AGBL2: variants seen among roughly 807,000 people sequenced by gnomAD.
AGBL2 encodes cytosolic carboxypeptidase 2.
A neutral mutation model predicts 103.0 loss-of-function variants in AGBL2; 87 were observed. The observed-to-expected ratio is 0.84, with a 90% CI of 0.71 to 1.01. The LOEUF (loss-of-function observed/expected upper bound fraction) is 1.01. Ranked by LOEUF, AGBL2 falls within the 50% of genes least tolerant of loss-of-function variation. AGBL2 has a pLI of 0.00. For missense variants in AGBL2, 904 were observed against 1,023.5 expected (o/e 0.88, Z 1.59); for synonymous variants, 335 against 356.7 (o/e 0.94, Z 0.69).
intron 8 of AGBL2, among the ~76,000 whole-genome samples, chr11:47,698,935 A>T (rs1439969364): frequency 6.6e-6 from 1 of 150,744 alleles, no homozygotes; most frequent in African/African-American, 2.4e-5. Flanking sequence ...GGTACCCTTA[A>T]AAAGAATGTG....
chr11:47,687,576 T>TC (rs1371719032), intron 10 of AGBL2, among the ~76,000 whole-genome samples: 1 of 150,068 alleles, frequency 6.7e-6, no homozygotes, highest in Non-Finnish European at 1.5e-5. Flanking sequence ...GTGTGGCACC[T>TC]CCCCTACACT....
In AGBL2 at chr11:47,668,877, A is replaced by G; in HGVS notation, c.2178T>C (p.Asp726=). ...STSGSDSSLS[D]GLPVHLANIA... ...TGTTTGCTAGGTGAACAGGAAGACC[A>G]TCTGAGAGAGAACTGTCAGAGCCAC... Residue 726 remains aspartate, a synonymous_variant, in exon 15 of 19, where the codon GAT becomes GAC. Transcript: ENST00000525123. 2.5e-6 allele frequency: 4 copies of G among 1,613,588 alleles called. No individual in the cohort carries two copies. The highest frequency in any genetic ancestry group is 1.1e-5 in the South Asian group (1 of 91,066).
intron 14 of AGBL2, among the ~76,000 whole-genome samples, chr11:47,670,415 G>A (rs372502942): frequency 6.6e-6 from 1 of 152,022 alleles, no homozygotes; most frequent in East Asian, 1.9e-4. Flanking sequence ...TGCCCAGGGG[G>A]TTGAGGCTGC....
intron 7 of AGBL2, among the ~76,000 whole-genome samples, chr11:47,702,146 G>C (rs1423541794): frequency 1.3e-5 from 2 of 152,066 alleles, no homozygotes; most frequent in African/African-American, 4.8e-5. Flanking sequence ...ACAAGACCCT[G>C]TCTCAAAAAT....
intron 13 of AGBL2, among the ~76,000 whole-genome samples, chr11:47,677,681 G>T (rs1201438343): frequency 6.6e-6 from 1 of 152,070 alleles, no homozygotes; most frequent in African/African-American, 2.4e-5. Context: ...TTGAACTCCC[G>T]ACCTCAGGTG....
intron 14 of AGBL2, among the ~76,000 whole-genome samples, chr11:47,676,132 A>T (rs1472995971): frequency 6.6e-6 from 1 of 151,996 alleles, no homozygotes; most frequent in Non-Finnish European, 1.5e-5. Flanking sequence ...GGACATTACA[A>T]ACTTAACAAG....
intron 4 of AGBL2, among the ~76,000 whole-genome samples, chr11:47,706,891 C>T (rs12362904): frequency 0.015 from 1,244 of 80,436 alleles, 127 homozygotes; most frequent in African/African-American, 0.023. Flanking sequence ...TCTACTATTC[C>T]AAAAAAAAAA....
intron 8 of AGBL2, among the ~76,000 whole-genome samples, chr11:47,693,681 G>A (rs2097456518): frequency 6.6e-6 from 1 of 151,984 alleles, no homozygotes; most frequent in African/African-American, 2.4e-5. Context: ...TTCTTTTTTT[G>A]TATTGGCTAT....
chr11:47,692,557 G>T (rs1287310341), intron 8 of AGBL2, among the ~76,000 whole-genome samples: 1 of 151,004 alleles, frequency 6.6e-6, no homozygotes, highest in Non-Finnish European at 1.5e-5. Flanking sequence ...GACTACAGGC[G>T]CCCACCACCA....
chr11:47,660,367 A>G lies in AGBL2; in HGVS notation c.2536-21T>C, dbSNP rs755370035. 2.5e-6 allele frequency: 4 copies of G among 1,586,612 alleles called. No individual in the cohort carries two copies. In the South Asian group the frequency reaches 3.4e-5, roughly 14 times the overall value. ...TTATTCTGTGCAAATAAGATTTTAAAAAGTTGAATTCAGTTTATTTTGCCA... is the reference window on the plus strand; with the variant it reads ...TTATTCTGTGCAAATAAGATTTTAAGAAGTTGAATTCAGTTTATTTTGCCA... On this transcript the variant is annotated intron_variant, in intron 18 of 18. Transcript: ENST00000525123.
chr11:47,678,300 A>ATTTTT (rs2097383974), intron 13 of AGBL2, among the ~76,000 whole-genome samples: 1 of 123,598 alleles, frequency 8.1e-6, no homozygotes, highest in Admixed American at 8.6e-5. Flanking sequence ...ATTTTATTTT[A>ATTTTT]TTTTATTTTA....
intron 15 of AGBL2, among the ~76,000 whole-genome samples, chr11:47,668,313 G>A (rs1424178221): frequency 4.7e-5 from 7 of 148,214 alleles, no homozygotes; most frequent in Non-Finnish European, 1.0e-4. Context: ...TTGAGACCAG[G>A]ATGGCCAACC....
chr11:47,714,439 G>C, intron 2 of AGBL2, 92 bp from the exon 3 acceptor site: 1 of 1,378,226 alleles, frequency 7.3e-7, no homozygotes. Flanking sequence ...CATAGGACTA[G>C]ACTAAACCAA....
At chr11:47,714,919 C>A (rs952839388) in intron 1 of AGBL2, 169 bp from the exon 2 acceptor site, 10 of 498,540 alleles carry the variant, frequency 2.0e-5, no homozygotes, top group Non-Finnish European at 3.6e-5. Context: ...AGCGTATCTT[C>A]CCGCTTCTTC....
intron 7 of AGBL2, among the ~76,000 whole-genome samples, chr11:47,700,364 A>G (rs1599058175): frequency 6.6e-6 from 1 of 151,806 alleles, no homozygotes; most frequent in African/African-American, 2.4e-5. Context: ...AGATTACCTG[A>G]GGTCGGGAGT....
intron 4 of AGBL2, among the ~76,000 whole-genome samples, chr11:47,709,380 C>T (rs1441963975): frequency 1.1e-5 from 1 of 88,676 alleles, no homozygotes; most frequent in Admixed American, 1.5e-4. Context: ...TGGGGATAAG[C>T]AGGGGGGGTT....
chr11:47,696,020 A>G (rs1236397599), intron 8 of AGBL2, among the ~76,000 whole-genome samples: 21 of 30,976 alleles, frequency 6.8e-4, no homozygotes, highest in Admixed American at 5.2e-3. Context: ...CAAAAAAAAA[A>G]AAAAAAAAAA....
At chr11:47,691,145 T>G (rs2097443802) in intron 9 of AGBL2, among the ~76,000 whole-genome samples, 1 of 148,994 alleles carries the variant, frequency 6.7e-6, no homozygotes, top group South Asian at 2.1e-4. Flanking sequence ...GTGCCTGTAA[T>G]CCCAGCTACT....
At chr11:47,702,901 T>C (rs894387391) in intron 7 of AGBL2, among the ~76,000 whole-genome samples, 3 of 152,000 alleles carry the variant, frequency 2.0e-5, no homozygotes, top group African/African-American at 7.2e-5. Context: ...ATCCAGTTGT[T>C]TATTCAGTAG....
Sources: gnomAD v4.1 joint callset for allele counts (sites outside exome capture counted in the v4.1 genomes callset) on GRCh38, gnomAD v4.1.1 for gene constraint, MANE v1.5 for transcripts, NCBI Gene and HGNC (gene_info 2026-07-23, HGNC 2026-07-21) for gene names.